Variants in CDH8 observed in about 807,000 individuals in gnomAD.
The protein encoded by CDH8 is cadherin 8.
Under a neutral mutation model 68.1 loss-of-function variants are expected in CDH8, and 17 were observed. The observed-to-expected ratio is 0.25, with a 90% CI of 0.17 to 0.37. The LOEUF is 0.37. CDH8 is among the 10% of genes least tolerant of loss of function. CDH8 has a pLI of 1.00. For synonymous variants in CDH8, 372 were observed against 365.1 expected (o/e 1.02, Z -0.21); for missense variants, 763 against 999.3 (o/e 0.76, Z 3.19).
chr16:61,964,771 A>C (rs932199114), intron 2 of CDH8, among the ~76,000 whole-genome samples: 2 of 152,058 alleles, frequency 1.3e-5, no homozygotes, highest in Admixed American at 6.5e-5. Context: ...GGCCCTCTAG[A>C]TTGCTTACTG....
At chr16:61,841,658 T>C (rs1447778538) in intron 4 of CDH8, among the ~76,000 whole-genome samples, 1 of 152,094 alleles carries the variant, frequency 6.6e-6, no homozygotes, top group Non-Finnish European at 1.5e-5. Flanking sequence ...CATTTTAAAA[T>C]AAAGAGTGTA....
chr16:61,983,280 A>G (rs1309190138), intron 2 of CDH8, among the ~76,000 whole-genome samples: 1 of 152,160 alleles, frequency 6.6e-6, no homozygotes, highest in Non-Finnish European at 1.5e-5. Context: ...GCTTATAATT[A>G]TAGTTTATTT....
In CDH8 at chr16:61,960,461, G is replaced by C. The variant is rs560478225; in HGVS notation, c.253-58988C>G. Among the ~76,000 whole-genome samples, 2 of 151,654 alleles carry C rather than the reference G, an allele frequency of 1.3e-5. 1 individual carries two copies. The highest frequency in any genetic ancestry group is 4.2e-4 in the South Asian group (2 of 4,810). On this transcript the variant is annotated intron_variant, in intron 2 of 11. Coordinates refer to ENST00000577390, the MANE Select transcript of CDH8 (RefSeq NM_001796.5). Reference sequence around the variant, plus strand: ...TGTAAAATACACACACAAACACAGAGAGAGTATACATATATTCTGTCCTCA... The same window carrying C: ...TGTAAAATACACACACAAACACAGACAGAGTATACATATATTCTGTCCTCA...
Position 61,960,008 on chromosome 16 carries a change from A to G in CDH8, c.253-58535T>C. On this transcript the variant is annotated intron_variant, in intron 2 of 11. Coordinates refer to ENST00000577390, the MANE Select transcript of CDH8 (RefSeq NM_001796.5). ...TGTATATATATATATATATATATAT[A>G]TATATATACACACATACACACACAC... Among the ~76,000 whole-genome samples the G allele has an allele frequency of 3.6e-5, 3 of 82,706 alleles. 1 individual carries two copies. The highest frequency in any genetic ancestry group is 2.4e-4 in the African/African-American group (3 of 12,290). 54.3% of individuals were successfully genotyped at this position (82,706 alleles called of 152,430 possible). A position where few individuals can be genotyped will look rare whatever the true frequency, so the allele number is the denominator to read the frequency against.
chr16:61,678,001 A>C lies in CDH8; in HGVS notation c.1655-22280T>G, dbSNP rs995214295. Among the ~76,000 whole-genome samples the C allele has an allele frequency of 4.6e-5, 7 of 152,198 alleles. No homozygotes were observed. In the East Asian group the frequency reaches 1.2e-3, roughly 25 times the overall value. ...CCTGCTACCTTGGGGCTTCATCTGC[A>C]TGATAAACTTTGGTTTCCACAACCT... On this transcript the variant is annotated intron_variant, in intron 10 of 11. Transcript: ENST00000577390.
rs1234670738 is a variant in CDH8, at chr16:61,647,707, A to C, written c.*5901T>G. On this transcript the variant is annotated 3_prime_UTR_variant, in exon 12 of 12. Coordinates refer to ENST00000577390, the MANE Select transcript of CDH8 (RefSeq NM_001796.5). ...TTTCCTCTTATTTTTGAGGAATCATAGGATGGCCTGAAGTTCTTTGCATGT... is the reference window on the plus strand; with the variant it reads ...TTTCCTCTTATTTTTGAGGAATCATCGGATGGCCTGAAGTTCTTTGCATGT... 1.0e-5 allele frequency: 7 copies of C among 668,012 alleles called. No homozygotes were observed. Among genetic ancestry groups the C allele is most frequent in the Non-Finnish European group, 1.6e-5 (6 of 370,652 alleles). 41.4% of individuals were successfully genotyped at this position (668,012 alleles called of 1,614,324 possible).
intron 2 of CDH8, among the ~76,000 whole-genome samples, chr16:62,005,660 C>T (rs537672301): frequency 1.3e-5 from 2 of 150,466 alleles, no homozygotes; most frequent in East Asian, 2.0e-4. Flanking sequence ...CACTTGAACC[C>T]GGGAGGCGGA....
chr16:61,849,540 T>C (rs1487211937), intron 4 of CDH8, among the ~76,000 whole-genome samples: 1 of 152,130 alleles, frequency 6.6e-6, no homozygotes, highest in Non-Finnish European at 1.5e-5. Flanking sequence ...TCCCACTTCA[T>C]GAGAGGACAT....
rs1963288270 is a variant in CDH8 at position 61,650,120 on chromosome 16, AT to A, written c.*3487del. On this transcript the variant is annotated 3_prime_UTR_variant, in exon 12 of 12. Transcript: ENST00000577390. ...TCTGTGTGGCAAGGTTAACACTTGA[AT>A]TTAAAAATAGCATATTTTAGTCATC... 6.6e-6 allele frequency: 1 copy of A among 152,168 alleles called. No individual in the cohort carries two copies. The highest frequency in any genetic ancestry group is 1.5e-5 in the Non-Finnish European group (1 of 68,022). 9.4% of individuals were successfully genotyped at this position (152,168 alleles called of 1,614,324 possible). A position where few individuals can be genotyped will look rare whatever the true frequency, so the allele number is the denominator to read the frequency against.
intron 8 of CDH8, among the ~76,000 whole-genome samples, chr16:61,752,655 G>T (rs1291080209): frequency 6.6e-6 from 1 of 151,934 alleles, no homozygotes; most frequent in East Asian, 1.9e-4. Context: ...ATAGTATTTT[G>T]TCTATTATAA....
At chr16:61,685,623 A>G (rs868388735) in intron 10 of CDH8, among the ~76,000 whole-genome samples, 1 of 152,204 alleles carries the variant, frequency 6.6e-6, no homozygotes, top group African/African-American at 2.4e-5. Context: ...GTTATTTTAC[A>G]TAAGAGTGAG....
intron 3 of CDH8, among the ~76,000 whole-genome samples, chr16:61,860,666 TATG>T (rs150576862): frequency 0.02 from 3,063 of 152,256 alleles, 99 homozygotes; most frequent in African/African-American, 0.07. Context: ...TAATATTCAG[TATG>T]ATATTAAGTT....
intron 4 of CDH8, among the ~76,000 whole-genome samples, chr16:61,851,248 A>ATT (rs145244002): frequency 1.3e-5 from 2 of 151,718 alleles, no homozygotes; most frequent in Admixed American, 6.6e-5. Flanking sequence ...CATTACATGG[A>ATT]TTTTTTTTCC....
intron 8 of CDH8, among the ~76,000 whole-genome samples, chr16:61,780,418 T>G (rs1300636192): frequency 6.6e-6 from 1 of 152,228 alleles, no homozygotes; most frequent in Non-Finnish European, 1.5e-5. Context: ...TAAGTGAATC[T>G]GACACAAGAG....
intron 2 of CDH8, among the ~76,000 whole-genome samples, chr16:61,969,156 A>AT (rs1212641588): frequency 6.6e-6 from 1 of 152,190 alleles, no homozygotes; most frequent in African/African-American, 2.4e-5. Context: ...TTCCCCTTAT[A>AT]TGGGCAATAA....
chr16:61,996,154 G>C (rs1965801675), intron 2 of CDH8, among the ~76,000 whole-genome samples: 1 of 152,176 alleles, frequency 6.6e-6, no homozygotes, highest in Non-Finnish European at 1.5e-5. Context: ...CTATTTCGTA[G>C]CTTAGAATAT....
At chr16:61,892,899 C>A (rs937813225) in intron 3 of CDH8, among the ~76,000 whole-genome samples, 3 of 152,100 alleles carry the variant, frequency 2.0e-5, no homozygotes, top group East Asian at 1.9e-4. Context: ...GGGGAAAAAA[C>A]CAAAATGAAG....
chr16:62,021,719 G>A, intron 1 of CDH8, 117 bp from the exon 2 acceptor site: 1 of 441,996 alleles, frequency 2.3e-6, no homozygotes, highest in South Asian at 1.2e-4. Context: ...AAACTCTTGA[G>A]TTAAGAAAGT....
chr16:61,868,902 T>C (rs903065738), intron 3 of CDH8, among the ~76,000 whole-genome samples: 1 of 152,046 alleles, frequency 6.6e-6, no homozygotes, highest in Non-Finnish European at 1.5e-5. Flanking sequence ...ATGATTAAGG[T>C]TGTGCCAATA....
Sources: allele counts gnomAD v4.1 joint callset (sites outside exome capture counted in the v4.1 genomes callset), GRCh38; gene constraint gnomAD v4.1.1; transcripts MANE v1.5; gene names NCBI Gene and HGNC (gene_info 2026-07-23, HGNC 2026-07-21).